NCAM2: variants seen among roughly 807,000 people sequenced by gnomAD.
The protein encoded by NCAM2 is neural cell adhesion molecule 2, also known as N-CAM-2.
A neutral mutation model predicts 98.1 loss-of-function variants in NCAM2; 30 were observed. The ratio of observed to expected loss-of-function variants is 0.31; its 90% CI spans 0.23 to 0.41. NCAM2 has a LOEUF of 0.41. Among genes scored for constraint, NCAM2 ranks in the 10% least tolerant of loss-of-function variants. NCAM2 has a pLI of 1.00. For missense variants in NCAM2, 867 were observed against 1,005.8 expected (o/e 0.86, Z 1.87); for synonymous variants, 368 against 342.4 (o/e 1.07, Z -0.83).
At chr21:21,475,264 C>A (rs1985017186) in intron 14 of NCAM2, among the ~76,000 whole-genome samples, 1 of 151,994 alleles carries the variant, frequency 6.6e-6, no homozygotes, top group South Asian at 2.1e-4. Flanking sequence ...GGTGATATCA[C>A]CTCCCCACTG....
At chr21:21,507,120 T>A (rs888822951) in intron 15 of NCAM2, among the ~76,000 whole-genome samples, 5 of 150,816 alleles carry the variant, frequency 3.3e-5, no homozygotes, top group Middle Eastern at 3.2e-3. Flanking sequence ...AAAAAAAAAA[T>A]AAAATAATGT....
chr21:21,403,763 G>A (rs935308503), intron 9 of NCAM2, among the ~76,000 whole-genome samples: 7 of 151,848 alleles, frequency 4.6e-5, no homozygotes, highest in African/African-American at 1.7e-4. Flanking sequence ...TGTACAAATA[G>A]GTAAATATTA....
At chr21:21,466,328 A>T (rs539162556) in intron 12 of NCAM2, among the ~76,000 whole-genome samples, 1 of 152,092 alleles carries the variant, frequency 6.6e-6, no homozygotes, top group African/African-American at 2.4e-5. Flanking sequence ...AAAAAGATTT[A>T]ACTTTCTACT....
chr21:21,506,199 G>A (rs1273388987), intron 15 of NCAM2, among the ~76,000 whole-genome samples: 1 of 152,060 alleles, frequency 6.6e-6, no homozygotes, highest in African/African-American at 2.4e-5. Flanking sequence ...ATCATCATGT[G>A]AATGTATACA....
intron 1 of NCAM2, among the ~76,000 whole-genome samples, chr21:21,114,532 CAA>C (rs2066514780): frequency 6.6e-6 from 1 of 152,116 alleles, no homozygotes; most frequent in Admixed American, 6.6e-5. Context: ...AGCTTAGTAA[CAA>C]GAGTGGAGAT....
intron 1 of NCAM2, among the ~76,000 whole-genome samples, chr21:21,044,518 A>G (rs767515365): frequency 1.6e-4 from 24 of 152,208 alleles, no homozygotes; most frequent in Non-Finnish European, 2.8e-4. Flanking sequence ...TTGTATAAAT[A>G]ACTAGTCTGG....
chr21:21,115,993 C>CTGTT (rs2066548562), intron 1 of NCAM2, among the ~76,000 whole-genome samples: 1 of 116,872 alleles, frequency 8.6e-6, no homozygotes, highest in African/African-American at 3.7e-5. Flanking sequence ...GTGTGTGTGT[C>CTGTT]TGTCTGTCTT....
At chr21:21,110,196 AT>A (rs1207759550) in intron 1 of NCAM2, among the ~76,000 whole-genome samples, 2 of 152,248 alleles carry the variant, frequency 1.3e-5, no homozygotes, top group Non-Finnish European at 2.9e-5. Context: ...CTACCCAAGT[AT>A]GTCCTTAACC....
In NCAM2 at chr21:21,335,598, T is replaced by C; in HGVS notation, c.831T>C (p.Gly277=). 1.2e-6 allele frequency: 2 copies of C among 1,612,004 alleles called. No individual in the cohort carries two copies. Among genetic ancestry groups the C allele is most frequent in the Non-Finnish European group, 1.7e-6 (2 of 1,178,972 alleles). Residue 277 remains glycine, a synonymous_variant, in exon 7 of 18, where the codon GGT becomes GGC. Transcript: ENST00000400546. ...TVRNIINSDG[G]PYVCRATNKA... ...GGAACATAATCAATAGTGATGGTGG[T>C]CCTTATGTCTGCAGGGCCACAAATA...
At chr21:21,406,912 A>G (rs1265887368) in intron 9 of NCAM2, among the ~76,000 whole-genome samples, 3 of 152,108 alleles carry the variant, frequency 2.0e-5, no homozygotes, top group Non-Finnish European at 4.4e-5. Context: ...TCTTTCATAT[A>G]TATGTGAAAG....
intron 1 of NCAM2, among the ~76,000 whole-genome samples, chr21:21,137,763 A>C (rs2067089149): frequency 6.6e-6 from 1 of 152,224 alleles, no homozygotes; most frequent in Admixed American, 6.5e-5. Context: ...CATTAAAAAA[A>C]ATGTTGAAAG....
chr21:21,305,403 T>C (rs1397808909), intron 5 of NCAM2, among the ~76,000 whole-genome samples: 1 of 152,150 alleles, frequency 6.6e-6, no homozygotes, highest in African/African-American at 2.4e-5. Flanking sequence ...CTGTATGTTT[T>C]TCCACTTTCG....
rs1037800865 is a variant in NCAM2 at position 21,061,582 on chromosome 21, A to G, written c.55+62964A>G. ...TGTTCAGAGATGAGTTAAACAGAAG[A>G]TACTAATTATGTTGGAATCATACAG... is the stretch of plus-strand genomic sequence containing the variant. On this transcript the variant is annotated intron_variant, in intron 1 of 17. Coordinates refer to ENST00000400546, the MANE Select transcript of NCAM2 (RefSeq NM_004540.5). Among the ~76,000 whole-genome samples, 3 of 152,098 alleles carry G rather than the reference A, an allele frequency of 2.0e-5. No homozygotes were observed. In the South Asian group the frequency reaches 6.2e-4, roughly 31 times the overall value.
At chr21:21,443,983 A>T (rs1482143864) in intron 12 of NCAM2, among the ~76,000 whole-genome samples, 1 of 152,162 alleles carries the variant, frequency 6.6e-6, no homozygotes, top group Non-Finnish European at 1.5e-5. Flanking sequence ...GGTTTGTCAT[A>T]AATAGCTCTT....
chr21:21,473,393 T>TATATATA (rs1555903518), intron 14 of NCAM2, among the ~76,000 whole-genome samples: 1 of 126,260 alleles, frequency 7.9e-6, no homozygotes, highest in Non-Finnish European at 1.7e-5. Flanking sequence ...TATATATATA[T>TATATATA]TATATATAAA....
intron 4 of NCAM2, 84 bp downstream of exon 4, chr21:21,286,496 G>C (rs2073106624): frequency 7.0e-7 from 1 of 1,424,156 alleles, no homozygotes; most frequent in Non-Finnish European, 9.5e-7. Context: ...TCTAGTTGTA[G>C]AAATTTGAAT....
intron 15 of NCAM2, among the ~76,000 whole-genome samples, chr21:21,485,667 A>T (rs937660686): frequency 6.6e-6 from 1 of 152,192 alleles, no homozygotes; most frequent in Admixed American, 6.5e-5. Flanking sequence ...CCACATCTTA[A>T]CAAGTGACTT....
chr21:21,198,184 ATG>A (rs10600265), intron 1 of NCAM2, among the ~76,000 whole-genome samples: 1,589 of 146,302 alleles, frequency 0.011, 8 homozygotes, highest in East Asian at 0.033. Context: ...TGTAAAGTAT[ATG>A]TGTGTGTGTG....
intron 12 of NCAM2, among the ~76,000 whole-genome samples, chr21:21,445,115 T>A (rs540556316): frequency 1.3e-5 from 2 of 152,294 alleles, no homozygotes; most frequent in South Asian, 4.1e-4. Context: ...AGGAGCAGAT[T>A]GTTGAATGTC....
Sources: gnomAD v4.1 joint callset for allele counts (sites outside exome capture counted in the v4.1 genomes callset) on GRCh38, gnomAD v4.1.1 for gene constraint, MANE v1.5 for transcripts, NCBI Gene and HGNC (gene_info 2026-07-23, HGNC 2026-07-21) for gene names.